The following LIPM variants were observed in gnomAD, a reference collection of about 807,000 sequenced individuals.
LIPM encodes the protein lipase family member M.
Under a neutral mutation model 42.4 loss-of-function variants are expected in LIPM, and 42 were observed. The observed-to-expected ratio is 0.99, with a 90% CI of 0.77 to 1.28. The LOEUF (loss-of-function observed/expected upper bound fraction) is 1.28, where lower values mean the gene tolerates loss of function less well. Ranked by LOEUF, LIPM falls within the 50% of genes most tolerant of loss-of-function variation. The probability of loss-of-function intolerance (pLI) is 0.00; values close to 1 mark genes in which losing one functional copy is unlikely to be tolerated. For synonymous variants in LIPM, 177 were observed against 173.3 expected (o/e 1.02, Z -0.17); for missense variants, 524 against 520.1 (o/e 1.01, Z -0.07).
At chr10:88,818,611 G>A (rs571590433) in intron 8 of LIPM, among the ~76,000 whole-genome samples, 2 of 152,248 alleles carry the variant, frequency 1.3e-5, no homozygotes, top group African/African-American at 4.8e-5. Flanking sequence ...GTAATCATGT[G>A]TATGAATGTA....
chr10:88,804,491 G>A (rs1041483440), intron 1 of LIPM, among the ~76,000 whole-genome samples: 4 of 152,146 alleles, frequency 2.6e-5, no homozygotes, highest in African/African-American at 7.2e-5. Context: ...GTTTGAACTG[G>A]TTCTGAGGTA....
Position 88,816,828 on chromosome 10 carries a change from G to A in LIPM, c.871G>A (p.Val291Ile). 1.9e-6 allele frequency: 3 copies of A among 1,551,230 alleles called. No individual in the cohort carries two copies. Among genetic ancestry groups the A allele is most frequent in the Non-Finnish European group, 2.6e-6 (3 of 1,146,590 alleles). The change falls in exon 7 of 9, where the codon GTA (valine) becomes ATA (isoleucine). Residue 291 changes from valine (V) to isoleucine (I), a missense_variant. Coordinates refer to ENST00000404743, the MANE Select transcript of LIPM (RefSeq NM_001128215.1). Reference sequence around the variant, plus strand: ...TGGTTTGTTACAGAGCCGAGCAAGTGTATATGCTGCCCACACTCTTGCTGG... The same window carrying A: ...TGGTTTGTTACAGAGCCGAGCAAGTATATATGCTGCCCACACTCTTGCTGG... ...TNNMNMSRAS[V>I]YAAHTLAGTS...
At chr10:88,808,103 C>T (rs904883961) in intron 1 of LIPM, among the ~76,000 whole-genome samples, 195 bp from the exon 2 acceptor site, 3 of 152,086 alleles carry the variant, frequency 2.0e-5, no homozygotes, top group Non-Finnish European at 2.9e-5. Context: ...AATTCTATTC[C>T]GGTTTCCATA....
chr10:88,813,679 C>A (rs770125477), intron 3 of LIPM, among the ~76,000 whole-genome samples: 4 of 151,868 alleles, frequency 2.6e-5, no homozygotes, highest in African/African-American at 7.3e-5. Flanking sequence ...TGTGTTAGTC[C>A]GTTTTCACAC....
intron 3 of LIPM, 23 bp from the exon 4 acceptor site, chr10:88,814,507 A>G (rs1362593920): frequency 6.8e-7 from 1 of 1,473,124 alleles, no homozygotes. Flanking sequence ...TTTTTCATAT[A>G]ACTTTGTCTT....
intron 2 of LIPM, among the ~76,000 whole-genome samples, 162 bp downstream of exon 2, chr10:88,808,577 A>T (rs1362983449): frequency 6.6e-6 from 1 of 152,096 alleles, no homozygotes; most frequent in Non-Finnish European, 1.5e-5. Context: ...CATCACCACC[A>T]CCGTGTCCGT....
At chr10:88,803,664 G>T (rs1329918061) in intron 1 of LIPM, among the ~76,000 whole-genome samples, 8 of 148,544 alleles carry the variant, frequency 5.4e-5, no homozygotes, top group African/African-American at 2.0e-4. Flanking sequence ...TTCTAAGCTG[G>T]GTTTTAGTAA....
intron 2 of LIPM, among the ~76,000 whole-genome samples, chr10:88,809,686 C>A (rs987245565): frequency 4.6e-5 from 7 of 152,142 alleles, no homozygotes; most frequent in African/African-American, 1.7e-4. Flanking sequence ...TTAACTAGGA[C>A]CAGAAAATGC....
At chr10:88,803,159 G>A (rs997235806) in intron 1 of LIPM, 116 bp downstream of exon 1, 5 of 1,161,892 alleles carry the variant, frequency 4.3e-6, no homozygotes, top group Non-Finnish European at 6.0e-6. Flanking sequence ...GAAGAGCATA[G>A]TGATGAAGTA....
chr10:88,816,726 T>C (rs1843722043), intron 6 of LIPM, 90 bp from the exon 7 acceptor site: 3 of 780,808 alleles, frequency 3.8e-6, no homozygotes, highest in Non-Finnish European at 4.4e-6. Flanking sequence ...TTACCATTTC[T>C]TAGTCTGACA....
intron 7 of LIPM, among the ~76,000 whole-genome samples, 172 bp downstream of exon 7, chr10:88,817,059 T>C (rs303523): frequency 0.26 from 39,781 of 152,162 alleles, 5,785 homozygotes; most frequent in East Asian, 0.37. Context: ...ACTGAAACTT[T>C]TCAAGAAATG....
At chr10:88,818,831 C>T (rs1437776372) in intron 8 of LIPM, among the ~76,000 whole-genome samples, 1 of 152,152 alleles carries the variant, frequency 6.6e-6, no homozygotes, top group South Asian at 2.1e-4. Flanking sequence ...TCTTTCTTCA[C>T]TGTTTCCCAA....
intron 2 of LIPM, among the ~76,000 whole-genome samples, chr10:88,810,716 C>T (rs1310613657): frequency 1.3e-5 from 2 of 152,162 alleles, no homozygotes; most frequent in African/African-American, 4.8e-5. Flanking sequence ...CCCTTACACA[C>T]TTACCTGCTG....
At chr10:88,809,356 T>G (rs1843626999) in intron 2 of LIPM, among the ~76,000 whole-genome samples, 1 of 152,210 alleles carries the variant, frequency 6.6e-6, no homozygotes, top group Non-Finnish European at 1.5e-5. Flanking sequence ...AAACATTTGT[T>G]TTCATTACTA....
rs1843701618 is a variant in LIPM, at chr10:88,815,085, C to T, written c.575-3C>T. ...TCATGTTGACATATTTCTTCTTTTGCAGGCTTTATTGCATTTTCCACCATG... is the reference window on the plus strand; with the variant it reads ...TCATGTTGACATATTTCTTCTTTTGTAGGCTTTATTGCATTTTCCACCATG... On this transcript the variant is annotated splice_region_variant and splice_polypyrimidine_tract_variant and intron_variant, in intron 4 of 8. Coordinates refer to ENST00000404743, the MANE Select transcript of LIPM (RefSeq NM_001128215.1). The T allele has an allele frequency of 1.3e-6, 2 of 1,527,672 alleles. No homozygotes were observed. The highest frequency in any genetic ancestry group is 4.6e-5 in the Admixed American group (2 of 43,618). The allele number at this position is 1,527,672 out of a possible 1,614,324, so 94.6% of individuals were successfully genotyped here. A position where few individuals can be genotyped will look rare whatever the true frequency, so the allele number is the denominator to read the frequency against.
chr10:88,819,179 T>C (rs1191788254), intron 8 of LIPM, among the ~76,000 whole-genome samples: 1 of 152,110 alleles, frequency 6.6e-6, no homozygotes, highest in East Asian at 1.9e-4. Context: ...CGTGAGCCAC[T>C]GTGCCCGGCC....
At chr10:88,817,597 G>C (rs1843732758) in intron 7 of LIPM, among the ~76,000 whole-genome samples, 1 of 152,182 alleles carries the variant, frequency 6.6e-6, no homozygotes, top group African/African-American at 2.4e-5. Context: ...TCCTGGAGTT[G>C]CTAATGCAAT....
intron 8 of LIPM, among the ~76,000 whole-genome samples, chr10:88,819,883 A>G (rs1323845220): frequency 1.3e-5 from 2 of 152,330 alleles, no homozygotes; most frequent in African/African-American, 4.8e-5. Context: ...TATCTTTTAA[A>G]AGAACAGGGG....
At chr10:88,808,910 CATTTT>C (rs72015280) in intron 2 of LIPM, among the ~76,000 whole-genome samples, 29,393 of 135,048 alleles carry the variant, frequency 0.22, 3,471 homozygotes, top group Middle Eastern at 0.3. Context: ...TCTATACATA[CATTTT>C]ATTTTATTTT....
Sources: allele counts gnomAD v4.1 joint callset (sites outside exome capture counted in the v4.1 genomes callset), GRCh38; gene constraint gnomAD v4.1.1; transcripts MANE v1.5; gene names NCBI Gene and HGNC (gene_info 2026-07-23, HGNC 2026-07-21).